The following VPS13B variants were observed in gnomAD, a reference collection of about 807,000 sequenced individuals.
VPS13B encodes intermembrane lipid transfer protein VPS13B.
In VPS13B, 285 loss-of-function variants were observed where a neutral mutation model predicts 426.4. The observed-to-expected ratio is 0.67, with a 90% CI of 0.61 to 0.74. The LOEUF (loss-of-function observed/expected upper bound fraction) is 0.74. Ranked by LOEUF, VPS13B falls within the 30% of genes least tolerant of loss-of-function variation. The probability of loss-of-function intolerance (pLI) is 0.00; values close to 1 mark genes in which losing one functional copy is unlikely to be tolerated. For missense variants in VPS13B, 4,537 were observed against 4,782.6 expected (o/e 0.95, Z 1.51); for synonymous variants, 1,676 against 1,676.4 (o/e 1.00, Z 0.01).
intron 21 of VPS13B, among the ~76,000 whole-genome samples, chr8:99,408,645 T>C (rs375291746): frequency 6.6e-6 from 1 of 152,256 alleles, no homozygotes; most frequent in African/African-American, 2.4e-5. Flanking sequence ...GGATAAATAG[T>C]CTGGAGCTTA....
At chr8:99,173,068 A>G (rs1040833377) in intron 16 of VPS13B, among the ~76,000 whole-genome samples, 2 of 152,184 alleles carry the variant, frequency 1.3e-5, no homozygotes, top group Non-Finnish European at 2.9e-5. Flanking sequence ...GTGTGAAAAC[A>G]CATATTTCTT....
chr8:99,474,138 A>G (rs1203196895), intron 24 of VPS13B, among the ~76,000 whole-genome samples: 3 of 151,584 alleles, frequency 2.0e-5, no homozygotes, highest in African/African-American at 7.3e-5. Flanking sequence ...CGACATTTGG[A>G]GAAGGTGTTT....
chr8:99,383,857 A>G (rs3103699), intron 19 of VPS13B, among the ~76,000 whole-genome samples: 26,507 of 152,200 alleles, frequency 0.17, 2,826 homozygotes, highest in East Asian at 0.38. Context: ...TTGTTTATTC[A>G]TCAACTCATG....
chr8:99,253,478 C>G (rs979477606), intron 17 of VPS13B, among the ~76,000 whole-genome samples: 2 of 152,186 alleles, frequency 1.3e-5, no homozygotes, highest in African/African-American at 4.8e-5. Flanking sequence ...TCCACATCCT[C>G]ACCAACGCTT....
chr8:99,815,267 A>G (rs1443085743), intron 44 of VPS13B, among the ~76,000 whole-genome samples: 1 of 152,108 alleles, frequency 6.6e-6, no homozygotes, highest in Non-Finnish European at 1.5e-5. Context: ...CCATCTGATT[A>G]CAAAGGCCAG....
chr8:99,383,853 A>G (rs774257904), intron 19 of VPS13B, among the ~76,000 whole-genome samples: 2 of 152,154 alleles, frequency 1.3e-5, no homozygotes, highest in African/African-American at 2.4e-5. Flanking sequence ...CATTTTGTTT[A>G]TTCATCAACT....
At chr8:99,698,627 G>C (rs1788159) in intron 35 of VPS13B, among the ~76,000 whole-genome samples, 151,535 of 152,364 alleles carry the variant, frequency 0.99, 75,356 homozygotes, top group Middle Eastern at 1. Flanking sequence ...CATCCTCAGG[G>C]TGTCATGAAA....
intron 39 of VPS13B, among the ~76,000 whole-genome samples, chr8:99,752,747 G>A (rs913374170): frequency 1.3e-5 from 2 of 152,156 alleles, no homozygotes; most frequent in Non-Finnish European, 2.9e-5. Flanking sequence ...ATTATCAAGA[G>A]TTATTAAGAA....
chr8:99,536,105 A>C (rs1823204453), intron 30 of VPS13B, among the ~76,000 whole-genome samples: 1 of 151,974 alleles, frequency 6.6e-6, no homozygotes, highest in African/African-American at 2.4e-5. Flanking sequence ...GCACGTCACC[A>C]TGCCCAGCTA....
chr8:99,271,607 G>A (rs1007264390), intron 17 of VPS13B, among the ~76,000 whole-genome samples: 7 of 152,214 alleles, frequency 4.6e-5, no homozygotes, highest in African/African-American at 1.7e-4. Flanking sequence ...CTGAGACTGG[G>A]TAATTTAAAA....
At chr8:99,605,600 G>A (rs989618993) in intron 33 of VPS13B, among the ~76,000 whole-genome samples, 1 of 151,832 alleles carries the variant, frequency 6.6e-6, no homozygotes, top group Non-Finnish European at 1.5e-5. Context: ...TTTTCCTCAG[G>A]CATCTCTCTT....
chr8:99,433,390 A>G (rs778414928), intron 22 of VPS13B, among the ~76,000 whole-genome samples: 2 of 152,326 alleles, frequency 1.3e-5, no homozygotes, highest in African/African-American at 2.4e-5. Flanking sequence ...GGCCTGTTAT[A>G]TACAGATTAA....
At chr8:99,303,002 G>A (rs1055665737) in intron 19 of VPS13B, among the ~76,000 whole-genome samples, 2 of 151,906 alleles carry the variant, frequency 1.3e-5, no homozygotes, top group Non-Finnish European at 2.9e-5. Flanking sequence ...TAGAAGGGCC[G>A]GGTGTGGTGG....
chr8:99,240,185 T>G (rs1816846545), intron 17 of VPS13B, among the ~76,000 whole-genome samples: 1 of 152,204 alleles, frequency 6.6e-6, no homozygotes, highest in Non-Finnish European at 1.5e-5. Context: ...GGGCATTTTT[T>G]GGGGAAATGT....
chr8:99,628,831 G>T (rs1258474438), intron 33 of VPS13B, among the ~76,000 whole-genome samples: 12 of 151,804 alleles, frequency 7.9e-5, no homozygotes, highest in Admixed American at 7.9e-4. Context: ...AGGCTGGAGT[G>T]CAGTGGCGTG....
intron 33 of VPS13B, among the ~76,000 whole-genome samples, chr8:99,591,835 G>T (rs960465140): frequency 2.0e-5 from 3 of 151,938 alleles, no homozygotes; most frequent in Admixed American, 6.6e-5. Flanking sequence ...GTTTCTTGGG[G>T]TTGCTCTTCT....
chr8:99,726,993 C>G (rs1472051256), intron 39 of VPS13B, among the ~76,000 whole-genome samples: 3 of 152,048 alleles, frequency 2.0e-5, no homozygotes, highest in African/African-American at 7.2e-5. Context: ...TGTTTTGCAC[C>G]CAGCACTGTG....
intron 17 of VPS13B, among the ~76,000 whole-genome samples, chr8:99,245,977 TCA>T (rs2132902357): frequency 6.6e-6 from 1 of 152,376 alleles, no homozygotes; most frequent in South Asian, 2.1e-4. Flanking sequence ...TGCCTTATGC[TCA>T]CAGAATAATC....
chr8:99,377,685 A>G (rs567381256), intron 19 of VPS13B, among the ~76,000 whole-genome samples: 5 of 152,216 alleles, frequency 3.3e-5, no homozygotes, highest in African/African-American at 1.2e-4. Context: ...AGAAATAAAG[A>G]GAAAGGCTAC....
Sources: allele counts gnomAD v4.1 joint callset (sites outside exome capture counted in the v4.1 genomes callset), GRCh38; gene constraint gnomAD v4.1.1; transcripts MANE v1.5; gene names NCBI Gene and HGNC (gene_info 2026-07-23, HGNC 2026-07-21).